AGFG1: variants seen among roughly 807,000 people sequenced by gnomAD.
AGFG1 encodes ArfGAP with FG repeats 1.
In AGFG1, 10 loss-of-function variants were observed where a neutral mutation model predicts 60.6. The ratio of observed to expected loss-of-function variants is 0.16; its 90% CI spans 0.10 to 0.28. The LOEUF is 0.28. Ranked by LOEUF, AGFG1 falls within the 10% of genes least tolerant of loss-of-function variation. AGFG1 has a pLI of 1.00. For synonymous variants in AGFG1, 247 were observed against 242.9 expected, an observed-to-expected ratio of 1.02 and a Z score of -0.16; for missense variants, 537 against 676.5, an observed-to-expected ratio of 0.79 and a Z score of 2.29.
chr2:227,516,865 A>G (rs963072678), intron 2 of AGFG1, among the ~76,000 whole-genome samples: 4 of 152,192 alleles, frequency 2.6e-5, no homozygotes, highest in Admixed American at 2.0e-4. Context: ...GCTTTGGGTA[A>G]ATAACTACCC....
At position 227,521,374 on chromosome 2, in the gene AGFG1, G is replaced by T. The variant is rs1368877904; in HGVS notation, c.377+1311G>T. On this transcript the variant is annotated intron_variant, in intron 3 of 12. Coordinates refer to ENST00000310078, the MANE Select transcript of AGFG1 (RefSeq NM_004504.5). Reference sequence around the variant, plus strand: ...GAGCCACTGTGCCCGGCCTAAAATAGACTACTTTTTGCAAGGCAAGATTAG... The same window carrying T: ...GAGCCACTGTGCCCGGCCTAAAATATACTACTTTTTGCAAGGCAAGATTAG... Among the ~76,000 whole-genome samples the T allele has an allele frequency of 3.9e-5, 6 of 152,136 alleles. No individual in the cohort carries two copies. The East Asian group carries it at 1.2e-3, about 29-fold the overall frequency.
chr2:227,505,361 T>G (rs1043982926), intron 2 of AGFG1, among the ~76,000 whole-genome samples: 2 of 152,224 alleles, frequency 1.3e-5, no homozygotes, highest in African/African-American at 4.8e-5. Flanking sequence ...CATTTTTCAT[T>G]TACCAAATTG....
intron 1 of AGFG1, among the ~76,000 whole-genome samples, chr2:227,490,117 A>C (rs1317696194): frequency 1.3e-5 from 2 of 151,626 alleles, no homozygotes; most frequent in Admixed American, 6.6e-5. Context: ...CACCCAGCCC[A>C]AAAATACCGT....
chr2:227,517,327 G>T (rs546645759), intron 2 of AGFG1, among the ~76,000 whole-genome samples: 2 of 152,250 alleles, frequency 1.3e-5, no homozygotes, highest in Admixed American at 1.3e-4. Context: ...GTGCAGTGGC[G>T]CAATCTCGGC....
At chr2:227,549,985 A>G in intron 10 of AGFG1, 1 of 425,272 alleles carries the variant, frequency 2.4e-6, no homozygotes, top group Non-Finnish European at 4.8e-6. Flanking sequence ...TTTTAATGAA[A>G]CAAGTATACT....
At chr2:227,550,003 T>A (rs1575118758) in intron 10 of AGFG1, 2 of 436,622 alleles carry the variant, frequency 4.6e-6, no homozygotes, top group East Asian at 1.5e-4. Context: ...ACTTTTATTT[T>A]AACAATAGTT....
chr2:227,484,404 C>A (rs1025166178), intron 1 of AGFG1, among the ~76,000 whole-genome samples: 3 of 152,058 alleles, frequency 2.0e-5, no homozygotes, highest in African/African-American at 7.2e-5. Flanking sequence ...CCAGGCTGCT[C>A]TCGAACTCCT....
At chr2:227,504,791 A>G (rs1691262563) in intron 2 of AGFG1, among the ~76,000 whole-genome samples, 1 of 152,104 alleles carries the variant, frequency 6.6e-6, no homozygotes, top group African/African-American at 2.4e-5. Flanking sequence ...TCATCAGTGA[A>G]CATTTTTGAT....
chr2:227,478,478 G>A (rs1690356565), intron 1 of AGFG1, among the ~76,000 whole-genome samples: 1 of 151,810 alleles, frequency 6.6e-6, no homozygotes, highest in Admixed American at 6.6e-5. Flanking sequence ...CAGGTACCTG[G>A]GACTACAGGC....
At chr2:227,526,542 T>A (rs1692000536) in intron 5 of AGFG1, among the ~76,000 whole-genome samples, 1 of 134,728 alleles carries the variant, frequency 7.4e-6, no homozygotes, top group Non-Finnish European at 1.6e-5. Flanking sequence ...CCAGCCTCTT[T>A]TTTTTTTTTT....
At position 227,533,728 on chromosome 2, in the gene AGFG1, A is replaced by C; in HGVS notation, c.994A>C (p.Asn332His). Residue 332 changes from asparagine to histidine, a missense_variant, in exon 7 of 13, where the codon AAT (asparagine) becomes CAT (histidine). Asn to His is a moderately conservative substitution (Grantham distance 68). Coordinates refer to ENST00000310078, the MANE Select transcript of AGFG1 (RefSeq NM_004504.5). ...QTADKYAALA[N>H]LDNIFSAGQG... The stretch of plus-strand genomic sequence containing the variant: ...TGCAGACAAATATGCAGCACTTGCT[A>C]ATTTAGACAATATCTTCAGTGCCGG... The C allele has an allele frequency of 6.2e-7, 1 of 1,613,740 alleles. No individual in the cohort carries two copies. The highest frequency in any genetic ancestry group is 8.5e-7 in the Non-Finnish European group (1 of 1,179,752).
At position 227,553,789 on chromosome 2, in the gene AGFG1, T is replaced by G. The variant is rs748048427; in HGVS notation, c.1623T>G (p.Pro541=). 6.2e-7 allele frequency: 1 copy of G among 1,610,392 alleles called. No homozygotes were observed. The highest frequency in any genetic ancestry group is 1.1e-5 in the South Asian group (1 of 90,572). The change falls in exon 12 of 13, where the codon CCT becomes CCG. Residue 541 remains proline (P), a synonymous_variant. Transcript: ENST00000310078. ...CAGCTGCTGGAGTATCTAGTAATCCTTTTATGGTAAGCAAAATTTAAAATT... is the reference window on the plus strand; with the variant it reads ...CAGCTGCTGGAGTATCTAGTAATCCGTTTATGGTAAGCAAAATTTAAAATT... The part of the protein sequence containing the change: ...QVAAAGVSSN[P]FMTGAPTGQF...
Position 227,527,685 on chromosome 2 carries a change from A to C in AGFG1, c.694+2770A>C, listed in dbSNP as rs535941579. On this transcript the variant is annotated intron_variant, in intron 5 of 12. Transcript: ENST00000310078. The stretch of plus-strand genomic sequence containing the variant: ...ATTTTGAGTGATTAAATAAGTATCA[A>C]ACCAAATGTAGAACATTAATTTAGG... Among the ~76,000 whole-genome samples the C allele has an allele frequency of 2.6e-5, 4 of 152,364 alleles. No homozygotes were observed. The South Asian group carries it at 8.3e-4, about 32-fold the overall frequency.
At chr2:227,493,566 A>G (rs1223802399) in intron 2 of AGFG1, among the ~76,000 whole-genome samples, 1 of 152,228 alleles carries the variant, frequency 6.6e-6, no homozygotes, top group East Asian at 1.9e-4. Flanking sequence ...TTAGGAACTC[A>G]CTGTATCAAA....
At chr2:227,474,671 C>T (rs1246738043) in intron 1 of AGFG1, among the ~76,000 whole-genome samples, 1 of 152,172 alleles carries the variant, frequency 6.6e-6, no homozygotes, top group Non-Finnish European at 1.5e-5. Flanking sequence ...GTAGTATTTC[C>T]TTTCTGTGAA....
chr2:227,510,154 G>C (rs1201984648), intron 2 of AGFG1, among the ~76,000 whole-genome samples: 1 of 152,020 alleles, frequency 6.6e-6, no homozygotes. Flanking sequence ...GTGTGTTGAG[G>C]GGGGTAGGGA....
rs764570870 is a variant in AGFG1 at position 227,554,396 on chromosome 2, C to T, written c.1630-40C>T. On this transcript the variant is annotated intron_variant, in intron 12 of 12. Coordinates refer to ENST00000310078, the MANE Select transcript of AGFG1 (RefSeq NM_004504.5). ...GTTTTTATATTTTGTACATGCACTA[C>T]TTTTGTCTCTTTATTTATTTGTCTT... 3 of 1,547,750 alleles carry T rather than the reference C, an allele frequency of 1.9e-6. No individual in the cohort carries two copies. In the Admixed American group the frequency reaches 5.5e-5, roughly 28 times the overall value.
At chr2:227,545,016 T>G (rs1229809709) in intron 10 of AGFG1, among the ~76,000 whole-genome samples, 1 of 152,216 alleles carries the variant, frequency 6.6e-6, no homozygotes, top group Non-Finnish European at 1.5e-5. Context: ...CCTTGCTATA[T>G]TGGGGAAGTT....
intron 2 of AGFG1, among the ~76,000 whole-genome samples, chr2:227,503,634 C>T (rs1422385034): frequency 2.0e-5 from 3 of 152,180 alleles, no homozygotes; most frequent in Non-Finnish European, 4.4e-5. Context: ...ACTCAGTCAC[C>T]TTTGACCAGC....
Sources: allele counts gnomAD v4.1 joint callset (sites outside exome capture counted in the v4.1 genomes callset), GRCh38; gene constraint gnomAD v4.1.1; transcripts MANE v1.5; gene names NCBI Gene and HGNC (gene_info 2026-07-23, HGNC 2026-07-21).